The following THSD7B variants were observed in gnomAD, a reference collection of about 807,000 sequenced individuals.
The protein encoded by THSD7B is thrombospondin type-1 domain-containing protein 7B.
Under a neutral mutation model 213.6 loss-of-function variants are expected in THSD7B, and 138 were observed. The ratio of observed to expected loss-of-function variants is 0.65; its 90% CI spans 0.56 to 0.74. The LOEUF is 0.74. THSD7B is among the 30% of genes least tolerant of loss of function. The pLI is 0.00. For missense variants in THSD7B, 1,931 were observed against 1,991.5 expected (o/e 0.97, Z 0.58); for synonymous variants, 742 against 687.0 (o/e 1.08, Z -1.25).
chr2:137,115,134 A>G lies in THSD7B; in HGVS notation c.1210A>G (p.Arg404Gly), dbSNP rs777435267. 3.1e-6 allele frequency: 5 copies of G among 1,613,834 alleles called. No homozygotes were observed. The African/African-American group carries it at 6.7e-5, about 22-fold the overall frequency. ...LLQQCPRYSW[R>G]TSEWKECQVS... ...AACCAAACCAAACAGGTATTCCTGG[A>G]GAACTTCTGAATGGAAAGAATGCCA... Residue 404 changes from arginine to glycine, a missense_variant, in exon 5 of 28, where the codon AGA (arginine) becomes GGA (glycine). Transcript: ENST00000409968.
At chr2:137,186,295 A>G (rs977989275) in intron 7 of THSD7B, among the ~76,000 whole-genome samples, 1 of 152,136 alleles carries the variant, frequency 6.6e-6, no homozygotes, top group African/African-American at 2.4e-5. Flanking sequence ...CTAGCCATAA[A>G]TTATTTGCCA....
At chr2:136,977,797 C>CTTTGGTT (rs1553461912) in intron 2 of THSD7B, among the ~76,000 whole-genome samples, 1 of 41,318 alleles carries the variant, frequency 2.4e-5, no homozygotes. Context: ...TTTTTCTTTT[C>CTTTGGTT]TTTGTTTTTT....
chr2:137,107,433 G>A (rs552315487), intron 4 of THSD7B, among the ~76,000 whole-genome samples: 2 of 152,164 alleles, frequency 1.3e-5, no homozygotes, highest in Admixed American at 6.5e-5. Context: ...AATACGTAAC[G>A]TAGATGATGG....
chr2:137,324,392 A>T (rs578183071), intron 12 of THSD7B, among the ~76,000 whole-genome samples: 1 of 152,320 alleles, frequency 6.6e-6, no homozygotes, highest in South Asian at 2.1e-4. Flanking sequence ...AGTATTCCTC[A>T]CAAGAAAAAT....
chr2:137,286,622 C>G (rs979213657), intron 12 of THSD7B, among the ~76,000 whole-genome samples: 1 of 152,014 alleles, frequency 6.6e-6, no homozygotes. Flanking sequence ...GAAAGCAAAG[C>G]ACATATATAG....
chr2:137,376,348 T>C (rs1222794699), intron 12 of THSD7B, among the ~76,000 whole-genome samples: 2 of 152,220 alleles, frequency 1.3e-5, no homozygotes, highest in African/African-American at 2.4e-5. Context: ...TTTTTAAAAA[T>C]CTATAATTAC....
intron 4 of THSD7B, among the ~76,000 whole-genome samples, chr2:137,106,188 C>T (rs1688246318): frequency 6.6e-6 from 1 of 152,064 alleles, no homozygotes; most frequent in South Asian, 2.1e-4. Context: ...TTACTGGTAC[C>T]AAAACAGATA....
intron 25 of THSD7B, among the ~76,000 whole-genome samples, chr2:137,663,063 T>TAAAAAAAA (rs60772441): frequency 8.2e-6 from 1 of 122,634 alleles, no homozygotes. Context: ...AAACTCCATC[T>TAAAAAAAA]AAAAAAAAAA....
intron 1 of THSD7B, among the ~76,000 whole-genome samples, chr2:136,814,500 G>A (rs1159825143): frequency 6.6e-6 from 1 of 152,096 alleles, no homozygotes; most frequent in African/African-American, 2.4e-5. Flanking sequence ...TGGGGTTCAC[G>A]CCATTCTCCT....
In THSD7B at chr2:137,370,880, A is replaced by G. The variant is rs150769083; in HGVS notation, c.2501-34733A>G. Among the ~76,000 whole-genome samples the G allele has an allele frequency of 2.5e-3, 381 of 152,234 alleles. 1 individual carries two copies. The highest frequency in any genetic ancestry group is 8.9e-3 in the African/African-American group (372 of 41,568). Reference sequence around the variant, plus strand: ...TCATTAATTAATATATTCAGTGTTTATATTAGTATAGCTATATACACGTTT... The same window carrying G: ...TCATTAATTAATATATTCAGTGTTTGTATTAGTATAGCTATATACACGTTT... On this transcript the variant is annotated intron_variant, in intron 12 of 27. Transcript: ENST00000409968.
chr2:136,959,892 G>A (rs1685187772), intron 2 of THSD7B, among the ~76,000 whole-genome samples: 1 of 152,196 alleles, frequency 6.6e-6, no homozygotes. Flanking sequence ...AGATTAAGTT[G>A]AGGAAAAGGA....
At chr2:137,145,228 A>T (rs939805285) in intron 5 of THSD7B, among the ~76,000 whole-genome samples, 2 of 152,086 alleles carry the variant, frequency 1.3e-5, no homozygotes, top group Middle Eastern at 3.2e-3. Context: ...AGATGAAAGG[A>T]GTATCATATA....
chr2:136,818,414 G>T (rs1341259319), intron 1 of THSD7B, among the ~76,000 whole-genome samples: 1 of 149,512 alleles, frequency 6.7e-6, no homozygotes, highest in Non-Finnish European at 1.5e-5. Context: ...GGGGGAGTGG[G>T]GAGGGATAGC....
chr2:137,063,359 T>A (rs549175484), intron 3 of THSD7B, among the ~76,000 whole-genome samples: 3 of 152,080 alleles, frequency 2.0e-5, no homozygotes, highest in South Asian at 2.1e-4. Context: ...TGCTCCTTTT[T>A]AATTTTAATT....
chr2:137,548,572 A>G (rs982238140), intron 15 of THSD7B, among the ~76,000 whole-genome samples: 1 of 152,044 alleles, frequency 6.6e-6, no homozygotes, highest in African/African-American at 2.4e-5. Flanking sequence ...TTGTCCACAA[A>G]TAAAATTTTA....
chr2:136,944,188 T>C (rs9798491), intron 2 of THSD7B, among the ~76,000 whole-genome samples: 15,486 of 152,234 alleles, frequency 0.1, 1,023 homozygotes, highest in East Asian at 0.16. Flanking sequence ...TTAGTTGTGC[T>C]GTTTTGAGTG....
At chr2:137,641,426 T>C (rs2104861460) in intron 20 of THSD7B, among the ~76,000 whole-genome samples, 1 of 152,362 alleles carries the variant, frequency 6.6e-6, no homozygotes, top group Admixed American at 6.5e-5. Flanking sequence ...TTCTAATGCA[T>C]GCTTCCACAG....
At chr2:136,879,524 C>T (rs1282942259) in intron 1 of THSD7B, among the ~76,000 whole-genome samples, 5 of 152,126 alleles carry the variant, frequency 3.3e-5, no homozygotes, top group African/African-American at 9.7e-5. Context: ...GCCATTTTCA[C>T]GATATTGATT....
intron 2 of THSD7B, among the ~76,000 whole-genome samples, chr2:136,901,883 C>T (rs183260076): frequency 2.0e-5 from 3 of 152,284 alleles, no homozygotes; most frequent in Admixed American, 6.5e-5. Flanking sequence ...AGTTGTTTGC[C>T]CTTGATTGAT....
Sources: gnomAD v4.1 joint callset for allele counts (sites outside exome capture counted in the v4.1 genomes callset) on GRCh38, gnomAD v4.1.1 for gene constraint, MANE v1.5 for transcripts, NCBI Gene and HGNC (gene_info 2026-07-23, HGNC 2026-07-21) for gene names.